The following KLF15 variants were observed in gnomAD, a reference collection of about 807,000 sequenced individuals.
KLF15 encodes KLF transcription factor 15.
A neutral mutation model predicts 24.6 loss-of-function variants in KLF15; 4 were observed. The ratio of observed to expected loss-of-function variants is 0.16; its 90% CI spans 0.08 to 0.37. KLF15 has a LOEUF of 0.37. Among genes scored for constraint, KLF15 ranks in the 10% least tolerant of loss-of-function variants. KLF15 has a pLI of 1.00. For missense variants in KLF15, 496 were observed against 560.6 expected (o/e 0.88, Z 1.16); for synonymous variants, 246 against 236.3 (o/e 1.04, Z -0.37).
At chr3:126,298,129 A>T in the KLF15 span, among the ~76,000 whole-genome samples, 1 of 151,804 alleles carries the variant, frequency 6.6e-6, no homozygotes, top group Admixed American at 6.6e-5. Flanking sequence ...TTTATTTTTT[A>T]ATTATGGTCA....
the KLF15 span, among the ~76,000 whole-genome samples, chr3:126,313,619 G>A: frequency 6.6e-6 from 1 of 152,216 alleles, no homozygotes; most frequent in African/African-American, 2.4e-5. Context: ...ACTTCCTGCA[G>A]AGGGTCATTT....
the KLF15 span, among the ~76,000 whole-genome samples, chr3:126,337,433 G>A: frequency 8.7e-6 from 1 of 114,340 alleles, no homozygotes; most frequent in African/African-American, 3.5e-5. Context: ...TTGTGGGGTG[G>A]GGGGAGGGGG....
chr3:126,337,792 G>A (rs189452431), downstream of KLF15, among the ~76,000 whole-genome samples: 1 of 152,290 alleles, frequency 6.6e-6, no homozygotes, highest in African/African-American at 2.4e-5. Flanking sequence ...GACCCTATGA[G>A]GAAGGTACTA....
the KLF15 span, among the ~76,000 whole-genome samples, chr3:126,328,488 T>C: frequency 6.6e-6 from 1 of 152,200 alleles, no homozygotes; most frequent in African/African-American, 2.4e-5. Context: ...CCACTTTTAG[T>C]TCTTTAAGGA....
the KLF15 span, among the ~76,000 whole-genome samples, chr3:126,328,450 A>C: frequency 2.0e-5 from 3 of 152,178 alleles, no homozygotes; most frequent in Admixed American, 6.5e-5. Flanking sequence ...GATACCTAGT[A>C]GTGGCATTGC....
chr3:126,334,206 A>G, the KLF15 span, among the ~76,000 whole-genome samples: 2 of 152,116 alleles, frequency 1.3e-5, no homozygotes, highest in Non-Finnish European at 1.5e-5. Context: ...AAAGAACAGA[A>G]ATTATAACAA....
chr3:126,297,722 T>A, the KLF15 span, among the ~76,000 whole-genome samples: 1 of 152,104 alleles, frequency 6.6e-6, no homozygotes, highest in Non-Finnish European at 1.5e-5. Context: ...TCTGAGTTAC[T>A]TAACTTATTC....
At chr3:126,338,511 G>A (rs963500533), downstream of KLF15, among the ~76,000 whole-genome samples, 5 of 152,156 alleles carry the variant, frequency 3.3e-5, no homozygotes, top group African/African-American at 4.8e-5. Context: ...CATTTCATGC[G>A]TAATGCAAAG....
At chr3:126,296,990 G>C in the KLF15 span, among the ~76,000 whole-genome samples, 1 of 152,214 alleles carries the variant, frequency 6.6e-6, no homozygotes, top group South Asian at 2.1e-4. Context: ...GCCCAAGCTG[G>C]ACTTGAACTC....
the KLF15 span, among the ~76,000 whole-genome samples, chr3:126,316,300 G>A: frequency 1.3e-5 from 2 of 150,338 alleles, no homozygotes; most frequent in South Asian, 2.1e-4. Flanking sequence ...GGGGAAGGGA[G>A]TGCAAGGGCT....
chr3:126,318,310 C>T, the KLF15 span, among the ~76,000 whole-genome samples: 55 of 152,264 alleles, frequency 3.6e-4, no homozygotes, highest in African/African-American at 1.3e-3. Context: ...GATAATTCTT[C>T]CCCTCATTCC....
At chr3:126,321,818 C>T in the KLF15 span, among the ~76,000 whole-genome samples, 2 of 152,180 alleles carry the variant, frequency 1.3e-5, no homozygotes, top group South Asian at 2.1e-4. Flanking sequence ...GTATGTGTGT[C>T]GGCTCCGGGG....
chr3:126,326,344 GAA>G, the KLF15 span, among the ~76,000 whole-genome samples: 10 of 151,542 alleles, frequency 6.6e-5, no homozygotes. Flanking sequence ...CCAATTCTGT[GAA>G]GAAAGTCATT....
At chr3:126,321,213 C>T in the KLF15 span, among the ~76,000 whole-genome samples, 1 of 152,180 alleles carries the variant, frequency 6.6e-6, no homozygotes, top group Non-Finnish European at 1.5e-5. Context: ...AGAACCAAGT[C>T]TCTCTACACC....
At chr3:126,297,943 C>A in the KLF15 span, among the ~76,000 whole-genome samples, 1 of 152,158 alleles carries the variant, frequency 6.6e-6, no homozygotes, top group Admixed American at 6.5e-5. Context: ...ATAATGGCTT[C>A]TTTTCCTCTG....
At chr3:126,288,606 C>T in the KLF15 span, among the ~76,000 whole-genome samples, 1 of 152,224 alleles carries the variant, frequency 6.6e-6, no homozygotes, top group African/African-American at 2.4e-5. Context: ...TCTGCGCCTG[C>T]TGCAGCTTGT....
the KLF15 span, among the ~76,000 whole-genome samples, chr3:126,323,815 G>A: frequency 1.3e-5 from 2 of 150,760 alleles, no homozygotes; most frequent in Admixed American, 6.7e-5. Context: ...ACCCAAATAT[G>A]TGATGTTTGG....
intron 1 of KLF15, among the ~76,000 whole-genome samples, chr3:126,353,438 C>T (rs2082604329): frequency 6.6e-6 from 1 of 152,312 alleles, no homozygotes; most frequent in Middle Eastern, 3.4e-3. Flanking sequence ...GTTGCTGAGG[C>T]TTCCAGAGGG....
chr3:126,316,568 G>A, the KLF15 span, among the ~76,000 whole-genome samples: 1 of 150,432 alleles, frequency 6.6e-6, no homozygotes, highest in South Asian at 2.1e-4. Context: ...TACACGGGCT[G>A]GAGTAGGGAA....
Sources: gnomAD v4.1 joint callset for allele counts (sites outside exome capture counted in the v4.1 genomes callset) on GRCh38, gnomAD v4.1.1 for gene constraint, MANE v1.5 for transcripts, NCBI Gene and HGNC (gene_info 2026-07-23, HGNC 2026-07-21) for gene names.